Variants in PTH2R observed in about 807,000 individuals in gnomAD.
PTH2R encodes the protein parathyroid hormone 2 receptor, also known as PTH2 receptor.
PTH2R carries 59 observed loss-of-function variants against 60.3 expected under a neutral mutation model. That is an observed-to-expected ratio of 0.98 (90% confidence interval 0.79 to 1.22). The LOEUF is 1.22. PTH2R is among the 50% of genes most tolerant of loss of function. The pLI, the probability that PTH2R is intolerant of heterozygous loss-of-function variation, is 0.00. For missense variants in PTH2R, 749 were observed against 682.6 expected (o/e 1.10, Z -1.08); for synonymous variants, 256 against 243.8 (o/e 1.05, Z -0.47).
chr2:208,443,972 A>ATGTCC (rs1268414354), intron 6 of PTH2R, among the ~76,000 whole-genome samples: 1 of 152,228 alleles, frequency 6.6e-6, no homozygotes, highest in Non-Finnish European at 1.5e-5. Context: ...CTGCTCTTGA[A>ATGTCC]TGTCCTGGTG....
intron 1 of PTH2R, among the ~76,000 whole-genome samples, chr2:208,415,638 A>T (rs944239283): frequency 6.6e-6 from 1 of 152,198 alleles, no homozygotes. Context: ...TGTGTTTATT[A>T]TTCAGTGATA....
At chr2:208,461,835 A>T (rs1458450253) in intron 9 of PTH2R, among the ~76,000 whole-genome samples, 1 of 152,230 alleles carries the variant, frequency 6.6e-6, no homozygotes, top group Non-Finnish European at 1.5e-5. Context: ...GTAACTTGTA[A>T]TGTGAAACAG....
intron 2 of PTH2R, among the ~76,000 whole-genome samples, chr2:208,430,063 C>T (rs1701939088): frequency 6.6e-6 from 1 of 152,126 alleles, no homozygotes; most frequent in African/African-American, 2.4e-5. Context: ...TTATTCCATC[C>T]CCTGCCACCG....
chr2:208,472,176 T>A (rs939320914), intron 9 of PTH2R, among the ~76,000 whole-genome samples: 3 of 152,214 alleles, frequency 2.0e-5, no homozygotes, highest in African/African-American at 7.2e-5. Context: ...ATGTGGACTT[T>A]GAGCTGTTGC....
At chr2:208,472,800 C>G (rs538467721) in intron 9 of PTH2R, among the ~76,000 whole-genome samples, 12 of 152,120 alleles carry the variant, frequency 7.9e-5, no homozygotes, top group Non-Finnish European at 1.6e-4. Flanking sequence ...GTTTTTGTTT[C>G]AAGCATATTT....
intron 1 of PTH2R, among the ~76,000 whole-genome samples, chr2:208,399,876 C>T (rs1370758511): frequency 6.6e-6 from 1 of 152,126 alleles, no homozygotes; most frequent in Non-Finnish European, 1.5e-5. Flanking sequence ...TCTTTCCTTT[C>T]TGATAGAGAA....
At chr2:208,427,232 C>CCAAAA (rs1701874073) in intron 1 of PTH2R, among the ~76,000 whole-genome samples, 1 of 152,136 alleles carries the variant, frequency 6.6e-6, no homozygotes, top group African/African-American at 2.4e-5. Flanking sequence ...CAGGAAAAAA[C>CCAAAA]CAAAACAAAA....
At chr2:208,420,715 A>G (rs1446631417) in intron 1 of PTH2R, among the ~76,000 whole-genome samples, 1 of 152,240 alleles carries the variant, frequency 6.6e-6, no homozygotes, top group Non-Finnish European at 1.5e-5. Flanking sequence ...CAATGGTAAC[A>G]TCTTTCATTA....
chr2:208,461,354 A>T (rs1299872606), intron 9 of PTH2R, among the ~76,000 whole-genome samples: 2 of 152,180 alleles, frequency 1.3e-5, no homozygotes, highest in Non-Finnish European at 2.9e-5. Flanking sequence ...GATAAAAATT[A>T]ACTGCTCAGA....
intron 9 of PTH2R, among the ~76,000 whole-genome samples, chr2:208,473,744 A>T (rs1574905788): frequency 6.6e-6 from 1 of 152,184 alleles, no homozygotes; most frequent in Non-Finnish European, 1.5e-5. Context: ...ATATTTAATG[A>T]TATTACTTAT....
chr2:208,378,457 C>T (rs983739050), intron 1 of PTH2R, among the ~76,000 whole-genome samples: 5 of 152,068 alleles, frequency 3.3e-5, no homozygotes, highest in Non-Finnish European at 4.4e-5. Flanking sequence ...GATTGCCTTC[C>T]GTAGTTCCTC....
chr2:208,437,446 G>T (rs188598099), intron 2 of PTH2R, 91 bp from the exon 3 acceptor site: 1 of 946,026 alleles, frequency 1.1e-6, no homozygotes, highest in South Asian at 1.8e-5. Flanking sequence ...TACAGACAAT[G>T]ACCTAAAATT....
chr2:208,367,119 G>A (rs6733145), intron 1 of PTH2R, among the ~76,000 whole-genome samples: 58,110 of 150,668 alleles, frequency 0.39, 12,178 homozygotes, highest in Admixed American at 0.47. Context: ...TTGAGATTGA[G>A]TTTCACCCTT....
rs149297616 is a variant in PTH2R, at chr2:208,443,391, G to A, written c.553G>A (p.Val185Met). ...TRNYIHMHLF[V>M]SFMLRATSIF... ...GAACTATATCCACATGCACTTATTT[G>A]TGTCTTTCATGCTGAGAGCTACAAG... The change falls in exon 6 of 13, where the codon GTG becomes ATG. Residue 185 changes from valine (V) to methionine (M), a missense_variant. Transcript: ENST00000272847. The A allele has an allele frequency of 3.3e-4, 531 of 1,610,052 alleles. No individual in the cohort carries two copies. Among genetic ancestry groups the A allele is most frequent in the Non-Finnish European group, 2.3e-4 (268 of 1,178,522 alleles).
chr2:208,489,788 G>C (rs1037606241), intron 11 of PTH2R, among the ~76,000 whole-genome samples: 6 of 152,160 alleles, frequency 3.9e-5, no homozygotes, highest in African/African-American at 1.4e-4. Context: ...GAGCCTGTCT[G>C]CCTCTCACCC....
At chr2:208,438,986 A>G (rs1702131115) in intron 4 of PTH2R, among the ~76,000 whole-genome samples, 1 of 152,322 alleles carries the variant, frequency 6.6e-6, no homozygotes, top group South Asian at 2.1e-4. Context: ...TGGAACTAAC[A>G]TAAGTAACAT....
chr2:208,427,569 G>T (rs538671697), intron 1 of PTH2R, among the ~76,000 whole-genome samples: 1 of 152,040 alleles, frequency 6.6e-6, no homozygotes, highest in Non-Finnish European at 1.5e-5. Context: ...CTATATATCT[G>T]ACTATTCACT....
At chr2:208,390,311 C>T (rs960767265) in intron 1 of PTH2R, among the ~76,000 whole-genome samples, 5 of 152,152 alleles carry the variant, frequency 3.3e-5, no homozygotes, top group African/African-American at 7.2e-5. Context: ...GGAATGTTCT[C>T]CTGAGAGGAG....
intron 8 of PTH2R, among the ~76,000 whole-genome samples, chr2:208,456,211 C>T (rs1702511471): frequency 6.6e-6 from 1 of 151,860 alleles, no homozygotes; most frequent in Admixed American, 6.6e-5. Context: ...CACTGCACTC[C>T]AGCCTGGGCA....
Sources: gnomAD v4.1 joint callset for allele counts (sites outside exome capture counted in the v4.1 genomes callset) on GRCh38, gnomAD v4.1.1 for gene constraint, MANE v1.5 for transcripts, NCBI Gene and HGNC (gene_info 2026-07-23, HGNC 2026-07-21) for gene names.